Variants in DYNC1H1 observed in about 807,000 individuals in gnomAD.
DYNC1H1 encodes cytoplasmic dynein 1 heavy chain 1.
Under a neutral mutation model 527.1 loss-of-function variants are expected in DYNC1H1, and 51 were observed. That is an observed-to-expected ratio of 0.10 (90% CI 0.08 to 0.12). The LOEUF is 0.12. DYNC1H1 is among the 10% of genes least tolerant of loss of function. The pLI, the probability that DYNC1H1 is intolerant of heterozygous loss-of-function variation, is 1.00. For synonymous variants in DYNC1H1, 2,189 were observed against 2,278.8 expected (o/e 0.96, Z 1.12); for missense variants, 2,771 against 5,971.8 (o/e 0.46, Z 17.66).
At position 101,986,417 on chromosome 14, in the gene DYNC1H1, A is replaced by G. The variant is rs1200514743; in HGVS notation, c.2192A>G (p.Asn731Ser). Residue 731 changes from asparagine to serine, a missense_variant, in exon 8 of 78, where the codon AAT becomes AGT. By Grantham distance (46) the Asn-to-Ser change is conservative. Coordinates refer to ENST00000360184, the MANE Select transcript of DYNC1H1 (RefSeq NM_001376.5). This position sits in a 1 kb window ranked among gnomAD's most constrained non-coding sequence, Gnocchi z 8.7. ...ACTCGGGTTCGGGGCCGAACTGGAA[A>G]TGTGCTTAAGCTGAAAGTTAACTTT... ...ESTRVRGRTG[N>S]VLKLKVNFLP... 1.2e-6 allele frequency: 2 copies of G among 1,614,190 alleles called. No homozygotes were observed. The highest frequency in any genetic ancestry group is 1.7e-6 in the Non-Finnish European group (2 of 1,180,038).
chr14:101,979,776 A>C lies in DYNC1H1; in HGVS notation c.576A>C (p.Gly192=). ...VEKKIAELEM[G]LLHLQQNIEI... ...AGAAGATTGCAGAACTCGAAATGGGACTCCTTCACTTGCAGCAAAATATTG... is the reference window on the plus strand; with the variant it reads ...AGAAGATTGCAGAACTCGAAATGGGCCTCCTTCACTTGCAGCAAAATATTG... Residue 192 remains glycine, a synonymous_variant, in exon 4 of 78, where the codon GGA becomes GGC. Transcript: ENST00000360184. This position sits in a 1 kb window ranked among gnomAD's most constrained non-coding sequence, Gnocchi z 4.6. 1 of 1,614,056 alleles carries C rather than the reference A, an allele frequency of 6.2e-7. No individual in the cohort carries two copies. The highest frequency in any genetic ancestry group is 8.5e-7 in the Non-Finnish European group (1 of 1,180,008).
chr14:101,973,112 G>A (rs184335892), intron 1 of DYNC1H1, among the ~76,000 whole-genome samples: 7 of 151,724 alleles, frequency 4.6e-5, no homozygotes, highest in African/African-American at 1.2e-4. Flanking sequence ...ATGTTCTGCC[G>A]CCTACTCCTT....
rs17511963 is a variant in DYNC1H1 at position 101,980,063 on chromosome 14, T to C, written c.774+89T>C. On this transcript the variant is annotated intron_variant, in intron 4 of 77. Transcript: ENST00000360184. ...ATCTGGATTTTGTAAGTGAGGTAAA[T>C]TATGTGATAACTTGTTAGTGGTGCC... 0.051 allele frequency: 81,845 copies of C among 1,589,610 alleles called. 2,366 individuals carry two copies. Among genetic ancestry groups the C allele is most frequent in the Non-Finnish European group, 0.056 (64,935 of 1,164,002 alleles).
Position 102,052,641 on chromosome 14 carries a change from C to G in DYNC1H1, c.*2078C>G, listed in dbSNP as rs1041644715. On this transcript the variant is annotated 3_prime_UTR_variant, in exon 78 of 78. Coordinates refer to ENST00000360184, the MANE Select transcript of DYNC1H1 (RefSeq NM_001376.5). ...TGGGCCCCTTTTCTCTCTCCCAAAC[C>G]TAGGTGGTGGCCATGCCCCTCGAGC... 7 of 152,226 alleles carry G rather than the reference C, an allele frequency of 4.6e-5. No individual in the cohort carries two copies. The highest frequency in any genetic ancestry group is 1.4e-4 in the African/African-American group (6 of 41,434). The allele number at this position is 152,226 out of a possible 1,614,324, so 9.4% of individuals were successfully genotyped here.
In DYNC1H1 at chr14:102,044,823, A is replaced by T. The variant is rs1472943655; in HGVS notation, c.13006+125A>T. ...TGCTGTCCCAGGGCCCTCCCTGGTT[A>T]TGCTGGGTGTGGCTCTGTCAGCCTC... On this transcript the variant is annotated intron_variant, in intron 72 of 77. Transcript: ENST00000360184. This position sits in a 1 kb window ranked among gnomAD's most constrained non-coding sequence, Gnocchi z 7.1. The T allele has an allele frequency of 7.9e-6, 9 of 1,138,872 alleles. No individual in the cohort carries two copies. Among genetic ancestry groups the T allele is most frequent in the Admixed American group, 2.0e-5 (1 of 50,742 alleles). The allele number at this position is 1,138,872 out of a possible 1,614,324, so 70.5% of individuals were successfully genotyped here.
intron 5 of DYNC1H1, among the ~76,000 whole-genome samples, chr14:101,981,625 A>G (rs1310552842): frequency 6.6e-6 from 1 of 152,222 alleles, no homozygotes; most frequent in Non-Finnish European, 1.5e-5. Context: ...AACGTATGGT[A>G]CCCACATCTT....
At position 102,039,744 on chromosome 14, in the gene DYNC1H1, C is replaced by A. The variant is rs1405537007; in HGVS notation, c.11690+12C>A. 1.6e-5 allele frequency: 26 copies of A among 1,613,988 alleles called. No homozygotes were observed. Among genetic ancestry groups the A allele is most frequent in the Non-Finnish European group, 2.1e-5 (25 of 1,180,002 alleles). On this transcript the variant is annotated intron_variant, in intron 62 of 77. Transcript: ENST00000360184. The surrounding 1 kb of genome is among the most constrained non-coding windows in gnomAD (Gnocchi z 7.0). The stretch of plus-strand genomic sequence containing the variant: ...AAGGGCACCGTGGGGTAAGAGCACT[C>A]ACGCCCACAGGAGGATGCCATATTG...
At chr14:101,975,653 T>A in intron 1 of DYNC1H1, 59 bp from the exon 2 acceptor site, 1 of 1,478,390 alleles carries the variant, frequency 6.8e-7, no homozygotes, top group Non-Finnish European at 9.4e-7. Flanking sequence ...TCTAAGCAGT[T>A]GATAAATAAG....
In DYNC1H1 at chr14:101,986,155, G is replaced by T. The variant is rs2047934281; in HGVS notation, c.1930G>T (p.Val644Leu). The T allele has an allele frequency of 6.2e-7, 1 of 1,614,090 alleles. No homozygotes were observed. Among genetic ancestry groups the T allele is most frequent in the African/African-American group, 1.3e-5 (1 of 74,926 alleles). ...GAGTCACGTTCGTGACTTGCCCCCT[G>T]TGTCAGGGTCTATCATCTGGGCTAA... ...KMSHVRDLPP[V>L]SGSIIWAKQI... Residue 644 changes from valine (V) to leucine (L), a missense_variant, in exon 8 of 78, where the codon GTG becomes TTG. By Grantham distance (32) the Val-to-Leu change is conservative. Transcript: ENST00000360184. The surrounding 1 kb of genome is among the most constrained non-coding windows in gnomAD (Gnocchi z 8.7).
rs985612136 is a variant in DYNC1H1, at chr14:102,012,595, G to A, written c.7014+125G>A. On this transcript the variant is annotated intron_variant, in intron 34 of 77. Coordinates refer to ENST00000360184, the MANE Select transcript of DYNC1H1 (RefSeq NM_001376.5). The surrounding 1 kb of genome is among the most constrained non-coding windows in gnomAD (Gnocchi z 4.9). ...CCATGGAGTAGTGATCATTGTGTAA[G>A]TAATTTTCAAAGATAGCATCTCAAC... 6.3e-5 allele frequency: 86 copies of A among 1,364,532 alleles called. No homozygotes were observed. Among genetic ancestry groups the A allele is most frequent in the Admixed American group, 2.6e-4 (15 of 58,348 alleles). The allele number at this position is 1,364,532 out of a possible 1,614,324, so 84.5% of individuals were successfully genotyped here.
chr14:102,041,952 C>A lies in DYNC1H1; in HGVS notation c.12103-61C>A. The A allele has an allele frequency of 1.3e-6, 2 of 1,584,930 alleles. No homozygotes were observed. The highest frequency in any genetic ancestry group is 4.5e-5 in the East Asian group (2 of 44,640). On this transcript the variant is annotated intron_variant, in intron 65 of 77. Transcript: ENST00000360184. The surrounding 1 kb of genome is among the most constrained non-coding windows in gnomAD (Gnocchi z 4.5). ...GGCCCCTCACTCGGGGCTCTCCTTT[C>A]CCTTGACAGGTACACACTATTTGCT...
At position 102,053,275 on chromosome 14, in the gene DYNC1H1, G is replaced by C. The variant is rs1319071840; in HGVS notation, c.*2712G>C. On this transcript the variant is annotated 3_prime_UTR_variant, in exon 78 of 78. Coordinates refer to ENST00000360184, the MANE Select transcript of DYNC1H1 (RefSeq NM_001376.5). ...CCTGCCTCAGCCTCCTGAGTAGCTG[G>C]GACTACAGGCGCCCGCTAATTTTTG... 5 of 149,322 alleles carry C rather than the reference G, an allele frequency of 3.3e-5. No homozygotes were observed. The highest frequency in any genetic ancestry group is 2.7e-4 in the Admixed American group (4 of 14,970). 9.2% of individuals were successfully genotyped at this position (149,322 alleles called of 1,614,324 possible).
Position 102,033,993 on chromosome 14 carries a change from T to G in DYNC1H1, c.10431T>G (p.Ala3477=), listed in dbSNP as rs962758825. The G allele has an allele frequency of 1.2e-6, 2 of 1,613,974 alleles. No individual in the cohort carries two copies. The highest frequency in any genetic ancestry group is 1.7e-6 in the Non-Finnish European group (2 of 1,180,018). ...CCTTTTAGGTAAACCGGAGCACTGC[T>G]CTTCTGAAGAGCTTGTCTGCTGAAC... ...AVEAKVNRST[A]LLKSLSAERE... The change falls in exon 55 of 78, where the codon GCT becomes GCG. Residue 3477 remains alanine (A), a synonymous_variant. Coordinates refer to ENST00000360184, the MANE Select transcript of DYNC1H1 (RefSeq NM_001376.5). This position sits in a 1 kb window ranked among gnomAD's most constrained non-coding sequence, Gnocchi z 5.6.
At position 102,001,464 on chromosome 14, in the gene DYNC1H1, A is replaced by C. The variant is rs2048129860; in HGVS notation, c.4396-71A>C. ...ATCTGTGGTCCTTTTGGTTCTTATA[A>C]TGCTGGGTCCCTTGTGCAGGTAGTG... On this transcript the variant is annotated intron_variant, in intron 20 of 77. Coordinates refer to ENST00000360184, the MANE Select transcript of DYNC1H1 (RefSeq NM_001376.5). The surrounding 1 kb of genome is among the most constrained non-coding windows in gnomAD (Gnocchi z 5.0). 1 of 1,613,760 alleles carries C rather than the reference A, an allele frequency of 6.2e-7. No homozygotes were observed. The highest frequency in any genetic ancestry group is 1.7e-5 in the Admixed American group (1 of 60,022).
At chr14:102,048,977 CGGT>C (rs1567025800) in intron 74 of DYNC1H1, 1 of 458,672 alleles carries the variant, frequency 2.2e-6, no homozygotes, top group Non-Finnish European at 4.0e-6. Flanking sequence ...TGGTGACAGA[CGGT>C]AGTAGGTTAC....
rs1344809334 is a variant in DYNC1H1, at chr14:102,052,246, ACCTCAG to A, written c.*1687_*1692del. On this transcript the variant is annotated 3_prime_UTR_variant, in exon 78 of 78. Transcript: ENST00000360184. ...CCTCCCGGGCTCAAGTGATCCTCCC[ACCTCAG>A]CCTTCTGAGCAGCTGGGACCACAGA... The A allele has an allele frequency of 1.3e-5, 2 of 152,046 alleles. No homozygotes were observed. The highest frequency in any genetic ancestry group is 4.8e-5 in the African/African-American group (2 of 41,290). 9.4% of individuals were successfully genotyped at this position (152,046 alleles called of 1,614,324 possible).
At chr14:102,003,886 G>T (rs968995027) in intron 23 of DYNC1H1, among the ~76,000 whole-genome samples, 1 of 149,348 alleles carries the variant, frequency 6.7e-6, no homozygotes, top group East Asian at 2.0e-4. Context: ...CGATTGCGCC[G>T]CTGCACTCCA....
intron 2 of DYNC1H1, 24 bp downstream of exon 2, chr14:101,975,823 T>G: frequency 6.6e-7 from 1 of 1,518,716 alleles, no homozygotes; most frequent in Non-Finnish European, 9.1e-7. Context: ...ATATTACCAT[T>G]ATCTCAGGTT....
In DYNC1H1 at chr14:102,005,218, G is replaced by A; in HGVS notation, c.5415G>A (p.Arg1805=). ...TCATGGAGCAGCCCCCACTCCGAAG[G>A]CGGAAGCTAGAACACTTGGTTAGTC... ...SVLMEQPPLR[R]RKLEHLITEL... The change falls in exon 26 of 78, where the codon AGG becomes AGA. Residue 1805 remains arginine (R), a synonymous_variant. Transcript: ENST00000360184. This position sits in a 1 kb window ranked among gnomAD's most constrained non-coding sequence, Gnocchi z 4.0. 6.2e-7 allele frequency: 1 copy of A among 1,614,200 alleles called. No homozygotes were observed. The highest frequency in any genetic ancestry group is 1.1e-5 in the South Asian group (1 of 91,088).
Sources: gnomAD v4.1 joint callset for allele counts (sites outside exome capture counted in the v4.1 genomes callset) on GRCh38, gnomAD v4.1.1 for gene constraint, Gnocchi (gnomAD v3.1) non-coding constraint, MANE v1.5 for transcripts, NCBI Gene and HGNC (gene_info 2026-07-23, HGNC 2026-07-21) for gene names.